Variants in GRB10 observed in about 807,000 individuals in gnomAD.
GRB10 encodes growth factor receptor bound protein 10.
GRB10 carries 20 observed loss-of-function variants against 80.9 expected under a neutral mutation model. The observed-to-expected ratio is 0.25, with a 90% confidence interval of 0.17 to 0.36. The LOEUF (loss-of-function observed/expected upper bound fraction) is 0.36. Ranked by LOEUF, GRB10 falls within the 10% of genes least tolerant of loss-of-function variation. The pLI is 1.00. For missense variants in GRB10, 548 were observed against 747.7 expected (o/e 0.73, Z 3.12); for synonymous variants, 291 against 291.5 (o/e 1.00, Z 0.02).
rs181788337 is a variant in GRB10 at position 50,713,348 on chromosome 7, C to G, written c.52-9440G>C. Among the ~76,000 whole-genome samples the G allele has an allele frequency of 1.3e-3, 192 of 151,638 alleles. 1 individual carries two copies. Among genetic ancestry groups the G allele is most frequent in the African/African-American group, 4.0e-3 (166 of 41,298 alleles). On this transcript the variant is annotated intron_variant, in intron 4 of 18. Coordinates refer to ENST00000401949, the MANE Select transcript of GRB10 (RefSeq NM_001350814.2). ...ACCCCTTCCCACCACCTCCTTCCATCTCCATCACTTCTCCTGCCACATCAG... is the reference window on the plus strand; with the variant it reads ...ACCCCTTCCCACCACCTCCTTCCATGTCCATCACTTCTCCTGCCACATCAG...
At chr7:50,619,912 C>T (rs778394835) in intron 8 of GRB10, among the ~76,000 whole-genome samples, 46 of 151,782 alleles carry the variant, frequency 3.0e-4, no homozygotes, top group Non-Finnish European at 5.8e-4. Context: ...CTCCAGCACC[C>T]GCTGTGGACA....
intron 14 of GRB10, 109 bp downstream of exon 14, chr7:50,606,228 A>C (rs1002023857): frequency 1.8e-5 from 16 of 905,802 alleles, no homozygotes; most frequent in Non-Finnish European, 2.6e-5. Flanking sequence ...ATGCACACAC[A>C]CTCTCCAGAG....
chr7:50,732,537 T>C (rs922976382), intron 3 of GRB10, among the ~76,000 whole-genome samples, 169 bp from the exon 4 acceptor site: 88 of 152,168 alleles, frequency 5.8e-4, no homozygotes, highest in African/African-American at 1.5e-3. Flanking sequence ...CATGCAGAGA[T>C]GGTCCCCAAC....
At chr7:50,630,112 T>C (rs2053732201) in intron 7 of GRB10, among the ~76,000 whole-genome samples, 1 of 152,220 alleles carries the variant, frequency 6.6e-6, no homozygotes, top group African/African-American at 2.4e-5. Flanking sequence ...GATAGGTAAT[T>C]AGCAATCTAA....
chr7:50,668,822 T>C (rs1013498764), intron 7 of GRB10, among the ~76,000 whole-genome samples: 4 of 152,218 alleles, frequency 2.6e-5, no homozygotes, highest in South Asian at 2.1e-4. Context: ...CTAAGCTGAC[T>C]TGTTGGCTGT....
chr7:50,620,484 G>A (rs1404871967), intron 8 of GRB10, among the ~76,000 whole-genome samples: 1 of 66,082 alleles, frequency 1.5e-5, no homozygotes, highest in Non-Finnish European at 4.7e-5. Context: ...GATGAGCCCC[G>A]ACCGGCATGC....
At chr7:50,713,662 T>TCCACCA (rs1563558804) in intron 4 of GRB10, among the ~76,000 whole-genome samples, 1 of 107,900 alleles carries the variant, frequency 9.3e-6, no homozygotes, top group Non-Finnish European at 1.9e-5. Flanking sequence ...CTCCACCTCC[T>TCCACCA]CCACCACCAC....
At chr7:50,740,896 T>C (rs1012265136) in intron 3 of GRB10, among the ~76,000 whole-genome samples, 1 of 149,050 alleles carries the variant, frequency 6.7e-6, no homozygotes, top group African/African-American at 2.4e-5. Flanking sequence ...AAAGACAGAA[T>C]GGACAGATAT....
chr7:50,755,119 G>C (rs977070102), intron 3 of GRB10, among the ~76,000 whole-genome samples: 6 of 152,210 alleles, frequency 3.9e-5, no homozygotes, highest in Non-Finnish European at 8.8e-5. Context: ...CAGTCTGCGG[G>C]ATACTGCGGG....
intron 1 of GRB10, among the ~76,000 whole-genome samples, chr7:50,789,748 T>C (rs2078837465): frequency 6.6e-6 from 1 of 151,946 alleles, no homozygotes; most frequent in Non-Finnish European, 1.5e-5. Flanking sequence ...AATATTCTAA[T>C]ACAGGGGAAA....
chr7:50,653,416 G>A (rs568704059), intron 7 of GRB10, among the ~76,000 whole-genome samples: 6 of 152,272 alleles, frequency 3.9e-5, no homozygotes, highest in East Asian at 1.9e-4. Context: ...TGTTTGTCTC[G>A]GCCAGCCCCA....
At chr7:50,662,028 G>A (rs1229296619) in intron 7 of GRB10, among the ~76,000 whole-genome samples, 1 of 152,210 alleles carries the variant, frequency 6.6e-6, no homozygotes, top group Non-Finnish European at 1.5e-5. Context: ...CTGAAAGCAG[G>A]TGAAGCACAG....
At chr7:50,752,906 C>T (rs1213737327) in intron 3 of GRB10, among the ~76,000 whole-genome samples, 1 of 152,210 alleles carries the variant, frequency 6.6e-6, no homozygotes, top group Non-Finnish European at 1.5e-5. Context: ...CCCAAGGAAC[C>T]ACAGGCCTGA....
rs373109707 is a variant in GRB10 at position 50,669,744 on chromosome 7, G to C, written c.482C>G (p.Pro161Arg). ...PPVLTPGSLP[P>R]SQAAAKQDVK... is the part of the protein sequence containing the mutation. ...CACCTGCTTTGCGGCGGCCTGGCTCGGAGGTAAAGAACCCGGCGTGAGCAC... is the reference window on the plus strand; with the variant it reads ...CACCTGCTTTGCGGCGGCCTGGCTCCGAGGTAAAGAACCCGGCGTGAGCAC... The change falls in exon 7 of 19, where the codon CCG becomes CGG. Residue 161 changes from proline (P) to arginine (R), a missense_variant. Transcript: ENST00000401949. 1 of 1,613,504 alleles carries C rather than the reference G, an allele frequency of 6.2e-7. No homozygotes were observed. Among genetic ancestry groups the C allele is most frequent in the South Asian group, 1.1e-5 (1 of 91,060 alleles).
chr7:50,595,607 A>G (rs887957917), intron 17 of GRB10, 77 bp from the exon 18 acceptor site: 12 of 657,052 alleles, frequency 1.8e-5, no homozygotes, highest in Admixed American at 4.0e-5. Context: ...TCTCTTACAC[A>G]CACACACACA....
chr7:50,769,882 G>C (rs757776), intron 2 of GRB10, among the ~76,000 whole-genome samples: 151,685 of 152,318 alleles, frequency 1, 75,528 homozygotes, highest in Middle Eastern at 1. Context: ...TCGGGTGGAT[G>C]ATCGAATGAC....
At chr7:50,642,297 C>T (rs959940976) in intron 7 of GRB10, among the ~76,000 whole-genome samples, 4 of 151,704 alleles carry the variant, frequency 2.6e-5, no homozygotes, top group Admixed American at 2.0e-4. Flanking sequence ...CACACACACA[C>T]GCATGCACAC....
rs745466931 is a variant in GRB10 at position 50,705,393 on chromosome 7, TC to T, written c.52-1486del. ...ACATTTTCACCAGCTTCTCTCTTTT[TC>T]CCCTTTCAAAAGAAATAGCTTTCTT... is the stretch of plus-strand genomic sequence containing the variant. On this transcript the variant is annotated intron_variant, in intron 4 of 18. Coordinates refer to ENST00000401949, the MANE Select transcript of GRB10 (RefSeq NM_001350814.2). 2.9e-5 allele frequency: 18 copies of T among 622,680 alleles called. No homozygotes were observed. In the African/African-American group the frequency reaches 3.6e-4, roughly 12 times the overall value. The allele number at this position is 622,680 out of a possible 1,614,324, so 38.6% of individuals were successfully genotyped here. A position where few individuals can be genotyped will look rare whatever the true frequency, so the allele number is the denominator to read the frequency against.
intron 7 of GRB10, among the ~76,000 whole-genome samples, chr7:50,661,950 G>A (rs1226456645): frequency 6.6e-6 from 1 of 152,188 alleles, no homozygotes; most frequent in Non-Finnish European, 1.5e-5. Context: ...TTCCTGTTCT[G>A]CAAAAGCAAC....
Sources: allele counts gnomAD v4.1 joint callset (sites outside exome capture counted in the v4.1 genomes callset), GRCh38; gene constraint gnomAD v4.1.1; transcripts MANE v1.5; gene names NCBI Gene and HGNC (gene_info 2026-07-23, HGNC 2026-07-21).